The following RAF1 variants were observed in gnomAD, a reference collection of about 807,000 sequenced individuals.
RAF1 encodes the protein RAF proto-oncogene serine/threonine-protein kinase.
RAF1 carries 27 observed loss-of-function variants against 81.1 expected under a neutral mutation model. The ratio of observed to expected loss-of-function variants is 0.33; its 90% CI spans 0.25 to 0.46. The LOEUF is 0.46. Ranked by LOEUF, RAF1 falls within the 20% of genes least tolerant of loss-of-function variation. RAF1 has a pLI of 1.00. For missense variants in RAF1, 598 were observed against 826.0 expected, an observed-to-expected ratio of 0.72 and a Z score of 3.38; for synonymous variants, 298 against 294.0, an observed-to-expected ratio of 1.01 and a Z score of -0.14.
chr3:12,663,281 G>A (rs1354536931), intron 1 of RAF1, among the ~76,000 whole-genome samples: 7 of 152,128 alleles, frequency 4.6e-5, no homozygotes, highest in African/African-American at 1.4e-4. Flanking sequence ...ATAACCCAGA[G>A]TCCTGATACC....
At chr3:12,598,489 C>T (rs2058749862) in intron 11 of RAF1, among the ~76,000 whole-genome samples, 1 of 152,186 alleles carries the variant, frequency 6.6e-6, no homozygotes, top group East Asian at 1.9e-4. Flanking sequence ...GTAATCCCAG[C>T]ATTTTGAGAG....
intron 1 of RAF1, among the ~76,000 whole-genome samples, chr3:12,639,227 T>C (rs941669010): frequency 6.6e-6 from 1 of 152,118 alleles, no homozygotes; most frequent in African/African-American, 2.4e-5. Flanking sequence ...TATCTCAAAA[T>C]AATAAGAGCT....
At chr3:12,612,384 C>A (rs947557580) in intron 2 of RAF1, among the ~76,000 whole-genome samples, 3 of 152,116 alleles carry the variant, frequency 2.0e-5, no homozygotes, top group African/African-American at 7.2e-5. Flanking sequence ...CACGGTGGCT[C>A]ACGCCTGTAA....
chr3:12,640,634 C>G (rs867377537), intron 1 of RAF1, among the ~76,000 whole-genome samples: 1 of 152,176 alleles, frequency 6.6e-6, no homozygotes, highest in African/African-American at 2.4e-5. Flanking sequence ...CACTGGCCAT[C>G]AGAGAAATGC....
At chr3:12,635,849 T>A (rs1325877424) in intron 1 of RAF1, among the ~76,000 whole-genome samples, 5 of 151,308 alleles carry the variant, frequency 3.3e-5, no homozygotes, top group Admixed American at 1.3e-4. Context: ...GGCAGGCACC[T>A]GTAGTCCCAG....
chr3:12,616,794 T>C (rs1226775857), intron 2 of RAF1, among the ~76,000 whole-genome samples: 1 of 152,124 alleles, frequency 6.6e-6, no homozygotes, highest in African/African-American at 2.4e-5. Flanking sequence ...GAACAGAGGA[T>C]GGGAAAGGAA....
At chr3:12,598,755 C>G (rs866127380) in intron 11 of RAF1, among the ~76,000 whole-genome samples, 1 of 98,930 alleles carries the variant, frequency 1.0e-5, no homozygotes, top group Non-Finnish European at 2.3e-5. Flanking sequence ...AAAAAAAAAC[C>G]ACCAAGTACT....
intron 1 of RAF1, among the ~76,000 whole-genome samples, chr3:12,654,548 G>A (rs2060627739): frequency 1.3e-5 from 2 of 151,642 alleles, no homozygotes; most frequent in Admixed American, 1.3e-4. Flanking sequence ...GCTACGGTGA[G>A]TGGAGATCGC....
In RAF1 at chr3:12,632,928, T is replaced by C. The variant is rs557749361; in HGVS notation, c.-26-14181A>G. 3.3e-5 allele frequency among the ~76,000 whole-genome samples: 5 copies of C among 152,308 alleles called. No individual in the cohort carries two copies. In the South Asian group the frequency reaches 1.0e-3, roughly 32 times the overall value. On this transcript the variant is annotated intron_variant, in intron 1 of 17. Transcript: ENST00000442415. Reference sequence around the variant, plus strand: ...CTTGACTGGAGGATTCCAGACCCAGTTGAGAGTATGAATACTGTTCTGCAA... The same window carrying C: ...CTTGACTGGAGGATTCCAGACCCAGCTGAGAGTATGAATACTGTTCTGCAA...
intron 11 of RAF1, among the ~76,000 whole-genome samples, chr3:12,596,781 G>A (rs78655418): frequency 0.019 from 2,840 of 152,176 alleles, 85 homozygotes; most frequent in African/African-American, 0.065. Context: ...TATGTTTCCT[G>A]GACCACTCAT....
At position 12,631,425 on chromosome 3, in the gene RAF1, T is replaced by C. The variant is rs375953061; in HGVS notation, c.-26-12678A>G. 1.6e-4 allele frequency among the ~76,000 whole-genome samples: 24 copies of C among 150,752 alleles called. No homozygotes were observed. In the East Asian group the frequency reaches 2.5e-3, roughly 16 times the overall value. Reference sequence around the variant, plus strand: ...CATCCTGGCTAACATGGTGAAACCCTGTCTCTACTAAAAATACGAAAAAAT... The same window carrying C: ...CATCCTGGCTAACATGGTGAAACCCCGTCTCTACTAAAAATACGAAAAAAT... On this transcript the variant is annotated intron_variant, in intron 1 of 17. Transcript: ENST00000442415.
intron 1 of RAF1, among the ~76,000 whole-genome samples, chr3:12,636,823 A>G (rs1344032853): frequency 3.9e-5 from 6 of 152,110 alleles, no homozygotes; most frequent in Non-Finnish European, 8.8e-5. Flanking sequence ...AAAAGAAAGA[A>G]AGAAAAAATA....
intron 11 of RAF1, among the ~76,000 whole-genome samples, chr3:12,597,751 C>CA (rs2058729925): frequency 6.6e-6 from 1 of 151,760 alleles, no homozygotes; most frequent in South Asian, 2.1e-4. Context: ...CCCATCTCTA[C>CA]AAAAAATACA....
At chr3:12,644,528 A>G (rs1368724284) in intron 1 of RAF1, among the ~76,000 whole-genome samples, 1 of 152,170 alleles carries the variant, frequency 6.6e-6, no homozygotes, top group Non-Finnish European at 1.5e-5. Flanking sequence ...TGTCCAAAAG[A>G]GAGTCAAGAA....
rs1043961965 is a variant in RAF1, at chr3:12,606,114, G to A, written c.680+87C>T. 1.1e-4 allele frequency: 112 copies of A among 978,658 alleles called. No individual in the cohort carries two copies. In the East Asian group the frequency reaches 2.6e-3, roughly 23 times the overall value. 60.6% of individuals were successfully genotyped at this position (978,658 alleles called of 1,614,324 possible). On this transcript the variant is annotated intron_variant, in intron 6 of 17. Transcript: ENST00000442415. ...TTTCCACGTAGAGAGGAGGGAATGC[G>A]AAGAAACTCTTATTTTTTGTCTTCA...
chr3:12,659,559 C>G (rs1014347100), intron 1 of RAF1, among the ~76,000 whole-genome samples: 1 of 122,164 alleles, frequency 8.2e-6, no homozygotes, highest in African/African-American at 3.3e-5. Context: ...TCTACCCTCC[C>G]ATACACATAC....
Position 12,584,282 on chromosome 3 carries a change from A to C in RAF1, c.*232T>G. 1.8e-5 allele frequency: 10 copies of C among 557,590 alleles called. No homozygotes were observed. Among genetic ancestry groups the C allele is most frequent in the Non-Finnish European group, 2.6e-5 (8 of 310,210 alleles). 34.5% of individuals were successfully genotyped at this position (557,590 alleles called of 1,614,324 possible). A position where few individuals can be genotyped will look rare whatever the true frequency, so the allele number is the denominator to read the frequency against. On this transcript the variant is annotated 3_prime_UTR_variant, in exon 18 of 18. Coordinates refer to ENST00000442415, the MANE Select transcript of RAF1 (RefSeq NM_001354689.3). The stretch of plus-strand genomic sequence containing the variant: ...GAAGGCTGGGCCTTGAGCATGGGGA[A>C]TGTGGGGAGGGAGCAGGACACACCA...
chr3:12,588,428 G>C (rs1224765107), intron 13 of RAF1: 1 of 152,142 alleles, frequency 6.6e-6, no homozygotes, highest in Non-Finnish European at 1.5e-5. Flanking sequence ...AAACCAAGAA[G>C]GTACAGCCTT....
intron 17 of RAF1, 36 bp from the exon 17 acceptor site, chr3:12,584,693 G>C: frequency 6.2e-7 from 1 of 1,614,004 alleles, no homozygotes. Context: ...CATTAGCTGT[G>C]TCTCAAAGAC....
Sources: allele counts gnomAD v4.1 joint callset (sites outside exome capture counted in the v4.1 genomes callset), GRCh38; gene constraint gnomAD v4.1.1; transcripts MANE v1.5; gene names NCBI Gene and HGNC (gene_info 2026-07-23, HGNC 2026-07-21).